UGT8: variants seen among roughly 807,000 people sequenced by gnomAD.
UGT8 encodes UDP glycosyltransferase 8.
A neutral mutation model predicts 40.5 loss-of-function variants in UGT8; 12 were observed. The ratio of observed to expected loss-of-function variants is 0.30; its 90% CI spans 0.19 to 0.48. The LOEUF is 0.48. Ranked by LOEUF, UGT8 falls within the 20% of genes least tolerant of loss-of-function variation. The pLI is 0.99. For missense variants in UGT8, 513 were observed against 648.7 expected, an observed-to-expected ratio of 0.79 and a Z score of 2.27; for synonymous variants, 224 against 240.4, an observed-to-expected ratio of 0.93 and a Z score of 0.63.
At chr4:114,665,302 A>G (rs1248382828) in intron 3 of UGT8, 5 of 777,612 alleles carry the variant, frequency 6.4e-6, no homozygotes, top group Non-Finnish European at 7.8e-6. Flanking sequence ...CTGCCATAGC[A>G]GTGGCAGCTC....
intron 2 of UGT8, among the ~76,000 whole-genome samples, chr4:114,657,230 A>G (rs909584511): frequency 1.3e-5 from 2 of 152,064 alleles, no homozygotes; most frequent in Non-Finnish European, 2.9e-5. Flanking sequence ...TGAAGGTCTT[A>G]AGAACCTTGA....
intron 1 of UGT8, among the ~76,000 whole-genome samples, chr4:114,620,909 T>C (rs1731744752): frequency 6.6e-6 from 1 of 152,162 alleles, no homozygotes; most frequent in African/African-American, 2.4e-5. Context: ...AAAATAGATA[T>C]CAATTTGGTT....
chr4:114,647,135 A>C (rs1281845945), intron 2 of UGT8, among the ~76,000 whole-genome samples: 1 of 152,204 alleles, frequency 6.6e-6, no homozygotes, highest in Non-Finnish European at 1.5e-5. Flanking sequence ...ATTTTATAAA[A>C]TATATCAATT....
chr4:114,633,118 A>T (rs1485605080), intron 2 of UGT8, among the ~76,000 whole-genome samples: 1 of 152,188 alleles, frequency 6.6e-6, no homozygotes, highest in African/African-American at 2.4e-5. Flanking sequence ...AGATGGCCAC[A>T]CTTAAAAAGG....
chr4:114,639,721 T>A (rs1386387771), intron 2 of UGT8, among the ~76,000 whole-genome samples: 1 of 152,210 alleles, frequency 6.6e-6, no homozygotes, highest in African/African-American at 2.4e-5. Context: ...ATTGGGAAAA[T>A]GATTTAATTT....
At chr4:114,620,149 G>T (rs1475879046) in intron 1 of UGT8, among the ~76,000 whole-genome samples, 1 of 152,058 alleles carries the variant, frequency 6.6e-6, no homozygotes, top group Non-Finnish European at 1.5e-5. Flanking sequence ...TGTTCTCTAT[G>T]ATCATTTTTG....
intron 3 of UGT8, among the ~76,000 whole-genome samples, chr4:114,665,055 C>G (rs1200274574): frequency 6.6e-6 from 1 of 152,230 alleles, no homozygotes; most frequent in Non-Finnish European, 1.5e-5. Context: ...GAAAGTACCT[C>G]TTCTGCTTCA....
intron 1 of UGT8, among the ~76,000 whole-genome samples, chr4:114,616,617 T>C (rs1731454012): frequency 6.6e-6 from 1 of 152,050 alleles, no homozygotes; most frequent in African/African-American, 2.4e-5. Flanking sequence ...CTGCACCCAC[T>C]GTCCAACACT....
chr4:114,651,688 G>T (rs1733905462), intron 2 of UGT8, among the ~76,000 whole-genome samples: 1 of 151,932 alleles, frequency 6.6e-6, no homozygotes, highest in Admixed American at 6.6e-5. Flanking sequence ...GTGGTACCCA[G>T]GACCTTAAGT....
intron 2 of UGT8, chr4:114,663,585 T>C: frequency 4.0e-6 from 2 of 505,554 alleles, no homozygotes; most frequent in Non-Finnish European, 5.1e-6. Flanking sequence ...CTGGCAAAAA[T>C]TTGTAAATGA....
At chr4:114,603,625 G>A (rs1730567582) in intron 1 of UGT8, among the ~76,000 whole-genome samples, 1 of 152,050 alleles carries the variant, frequency 6.6e-6, no homozygotes, top group African/African-American at 2.4e-5. Context: ...GAAATGAGGG[G>A]GTGTTAGACA....
chr4:114,643,770 A>C (rs1560691873), intron 2 of UGT8, among the ~76,000 whole-genome samples: 1 of 147,732 alleles, frequency 6.8e-6, no homozygotes, highest in Admixed American at 6.8e-5. Flanking sequence ...TAACATAGGC[A>C]TTTTTTTTTT....
chr4:114,667,731 G>A (rs1734977882), intron 4 of UGT8: 1 of 269,950 alleles, frequency 3.7e-6, no homozygotes, highest in South Asian at 1.5e-4. Flanking sequence ...CCAGAAAGTA[G>A]ATGTCTGTTT....
chr4:114,661,746 C>T (rs1734552854), intron 2 of UGT8, among the ~76,000 whole-genome samples: 1 of 152,178 alleles, frequency 6.6e-6, no homozygotes, highest in Admixed American at 6.5e-5. Context: ...TAGGAGTTTG[C>T]ATGTCACCTT....
chr4:114,617,128 C>A (rs528571361), intron 1 of UGT8, among the ~76,000 whole-genome samples: 1 of 152,184 alleles, frequency 6.6e-6, no homozygotes, highest in South Asian at 2.1e-4. Flanking sequence ...GTGGTATGTG[C>A]CTGTAATCCC....
chr4:114,610,057 G>A (rs1730952148), intron 1 of UGT8, among the ~76,000 whole-genome samples: 1 of 152,166 alleles, frequency 6.6e-6, no homozygotes, highest in South Asian at 2.1e-4. Context: ...TACAAAGACT[G>A]CTATTTTGAT....
intron 3 of UGT8, among the ~76,000 whole-genome samples, chr4:114,664,528 A>G (rs929056642): frequency 6.6e-6 from 1 of 152,234 alleles, no homozygotes; most frequent in Non-Finnish European, 1.5e-5. Context: ...AAAATGATGG[A>G]TTAACGAATA....
At chr4:114,663,848 G>T in intron 2 of UGT8, 147 bp from the exon 3 acceptor site, 3 of 1,406,218 alleles carry the variant, frequency 2.1e-6, no homozygotes, top group Non-Finnish European at 2.8e-6. Context: ...AACAAAAGCA[G>T]TTATTTAGAA....
chr4:114,652,300 T>C (rs1267915987), intron 2 of UGT8, among the ~76,000 whole-genome samples: 1 of 151,824 alleles, frequency 6.6e-6, no homozygotes, highest in Non-Finnish European at 1.5e-5. Context: ...TGTAGAACCA[T>C]GTAGTGTTGA....
Sources: allele counts gnomAD v4.1 joint callset (sites outside exome capture counted in the v4.1 genomes callset), GRCh38; gene constraint gnomAD v4.1.1; transcripts MANE v1.5; gene names NCBI Gene and HGNC (gene_info 2026-07-23, HGNC 2026-07-21).